FRMD6: variants seen among roughly 807,000 people sequenced by gnomAD.
FRMD6 encodes the protein FERM domain containing 6.
Under a neutral mutation model 73.2 loss-of-function variants are expected in FRMD6, and 37 were observed. The observed-to-expected ratio is 0.51, with a 90% CI of 0.39 to 0.66. The LOEUF is 0.66. Ranked by LOEUF, FRMD6 falls within the 30% of genes least tolerant of loss-of-function variation. FRMD6 has a pLI of 0.00. For synonymous variants in FRMD6, 273 were observed against 282.2 expected, an observed-to-expected ratio of 0.97 and a Z score of 0.33; for missense variants, 714 against 780.5, an observed-to-expected ratio of 0.91 and a Z score of 1.02.
At chr14:51,461,460 C>CA in the FRMD6 span, among the ~76,000 whole-genome samples, 1 of 152,186 alleles carries the variant, frequency 6.6e-6, no homozygotes, top group African/African-American at 2.4e-5. Flanking sequence ...TTCCCAATAA[C>CA]AGAGATCAGA....
the FRMD6 span, among the ~76,000 whole-genome samples, chr14:51,467,560 A>G: frequency 6.7e-6 from 1 of 148,582 alleles, no homozygotes; most frequent in African/African-American, 2.5e-5. Flanking sequence ...AGGCGCCCCC[A>G]ACCTCCCGGA....
At chr14:51,572,843 C>T (rs77981236) in intron 2 of FRMD6, among the ~76,000 whole-genome samples, 2,089 of 152,284 alleles carry the variant, frequency 0.014, 48 homozygotes, top group African/African-American at 0.046. Flanking sequence ...AATGTTGTCT[C>T]CTCAAACTAG....
At chr14:51,661,678 G>T (rs1161226572) in intron 1 of FRMD6, among the ~76,000 whole-genome samples, 3 of 152,216 alleles carry the variant, frequency 2.0e-5, no homozygotes, top group Non-Finnish European at 4.4e-5. Flanking sequence ...AAGTCAAGCA[G>T]GGTGAAGACT....
intron 1 of FRMD6, among the ~76,000 whole-genome samples, chr14:51,680,296 A>G (rs1005127348): frequency 6.6e-6 from 1 of 152,158 alleles, no homozygotes. Flanking sequence ...CTCCCCATAC[A>G]TGCTGTTAAC....
intron 1 of FRMD6, among the ~76,000 whole-genome samples, chr14:51,671,487 G>A (rs763961728): frequency 8.5e-5 from 13 of 152,054 alleles, no homozygotes; most frequent in Admixed American, 5.2e-4. Flanking sequence ...GTTTTGCACC[G>A]AAATAAACTC....
chr14:51,708,199 A>G lies in FRMD6; in HGVS notation c.680A>G (p.Asp227Gly), dbSNP rs779920087. ...TATATCAAAGAGGCTGTCCGACTGG[A>G]TGACGTCGCTGTTCATTACTACAGA... ...LKYIKEAVRL[D>G]DVAVHYYRLY... is the part of the protein sequence containing the mutation. The change falls in exon 7 of 14, where the codon GAT (aspartate) becomes GGT (glycine). Residue 227 changes from aspartate (D) to glycine (G), a missense_variant. Transcript: ENST00000344768. 3.7e-6 allele frequency: 6 copies of G among 1,613,080 alleles called. No homozygotes were observed. In the African/African-American group the frequency reaches 5.3e-5, roughly 14 times the overall value.
rs1251936590 is a variant in FRMD6 at position 51,720,338 on chromosome 14, A to G, written c.1308A>G (p.Ser436=). Residue 436 remains serine, a synonymous_variant, in exon 11 of 14, where the codon TCA becomes TCG. Transcript: ENST00000344768. The part of the protein sequence containing the change: ...SMTSHGSSHT[S]GVESGGKDRL... ...CCAGTCATGGCAGCTCCCACACCTCAGGGGTGGAGAGTGGCGGCAAAGACC... is the reference window on the plus strand; with the variant it reads ...CCAGTCATGGCAGCTCCCACACCTCGGGGGTGGAGAGTGGCGGCAAAGACC... The G allele has an allele frequency of 6.2e-7, 1 of 1,613,678 alleles. No individual in the cohort carries two copies. Among genetic ancestry groups the G allele is most frequent in the Non-Finnish European group, 8.5e-7 (1 of 1,180,004 alleles).
intron 1 of FRMD6, among the ~76,000 whole-genome samples, chr14:51,687,089 G>A (rs527529077): frequency 6.6e-6 from 1 of 151,976 alleles, no homozygotes; most frequent in Non-Finnish European, 1.5e-5. Flanking sequence ...GTCATCTTCT[G>A]TGCTGCATAT....
the FRMD6 span, among the ~76,000 whole-genome samples, chr14:51,422,244 T>C: frequency 6.6e-6 from 1 of 152,206 alleles, no homozygotes; most frequent in Non-Finnish European, 1.5e-5. Context: ...TTGAAAAGAC[T>C]TTCCCCCTTA....
At chr14:51,718,400 T>C (rs1897348824) in intron 10 of FRMD6, among the ~76,000 whole-genome samples, 1 of 152,242 alleles carries the variant, frequency 6.6e-6, no homozygotes, top group Non-Finnish European at 1.5e-5. Context: ...ACAGAAAAGC[T>C]TTTAAATTAT....
At chr14:51,440,713 A>G in the FRMD6 span, among the ~76,000 whole-genome samples, 3 of 152,350 alleles carry the variant, frequency 2.0e-5, no homozygotes, top group South Asian at 6.2e-4. Context: ...GAGGAGAGAG[A>G]GAGAGAGAAG....
At position 51,704,751 on chromosome 14, in the gene FRMD6, A is replaced by T. The variant is rs1896525023; in HGVS notation, c.374A>T (p.Asp125Val). Residue 125 changes from aspartate to valine, a missense_variant and splice_region_variant, in exon 6 of 14, where the codon GAC (aspartate) becomes GTC (valine). Physicochemically the swap from Asp to Val is radical, Grantham distance 152. Coordinates refer to ENST00000344768, the MANE Select transcript of FRMD6 (RefSeq NM_001267046.2). Reference sequence around the variant, plus strand: ...TCTGTTTTCTTTTATTTTTCTAGTGACAGAGCAGCAAGATACTATTATTAC... The same window carrying T: ...TCTGTTTTCTTTTATTTTTCTAGTGTCAGAGCAGCAAGATACTATTATTAC... Reference protein sequence around the residue: ...YYVENGRLISDRAARYYYYWH... With the variant: ...YYVENGRLISVRAARYYYYWH... 1 of 1,605,786 alleles carries T rather than the reference A, an allele frequency of 6.2e-7. No individual in the cohort carries two copies. The highest frequency in any genetic ancestry group is 8.5e-7 in the Non-Finnish European group (1 of 1,174,874).
At chr14:51,512,711 GAGA>G (rs1452229151) in intron 1 of FRMD6, among the ~76,000 whole-genome samples, 3 of 152,086 alleles carry the variant, frequency 2.0e-5, no homozygotes, top group Non-Finnish European at 4.4e-5. Context: ...GAGATGTTAA[GAGA>G]AGGAGTAGTC....
chr14:51,578,196 G>A (rs7143311), intron 2 of FRMD6, among the ~76,000 whole-genome samples: 55,542 of 152,024 alleles, frequency 0.37, 11,200 homozygotes, highest in African/African-American at 0.54. Context: ...GAAAGCTACC[G>A]TTGATGCCAG....
chr14:51,423,877 A>G, the FRMD6 span, among the ~76,000 whole-genome samples: 607 of 152,326 alleles, frequency 4.0e-3, 4 homozygotes, highest in African/African-American at 0.014. Flanking sequence ...CTATGTATCT[A>G]GCAGTCTCCT....
chr14:51,704,999 CTACTCA>C, intron 6 of FRMD6, 64 bp downstream of exon 6: 3 of 1,406,106 alleles, frequency 2.1e-6, no homozygotes, highest in Non-Finnish European at 2.0e-6. Flanking sequence ...CGTAGTGTTG[CTACTCA>C]TACTCTTTAA....
intron 2 of FRMD6, among the ~76,000 whole-genome samples, chr14:51,631,810 C>A (rs1195354414): frequency 6.6e-6 from 1 of 152,130 alleles, no homozygotes; most frequent in Non-Finnish European, 1.5e-5. Flanking sequence ...TAGTTAACAC[C>A]ACAGGGTCTA....
At chr14:51,725,892 A>G (rs139225027) in intron 13 of FRMD6, 22 bp downstream of exon 13, 1 of 1,555,356 alleles carries the variant, frequency 6.4e-7, no homozygotes, top group African/African-American at 1.4e-5. Context: ...ATTGAAAAAT[A>G]TCAGTTAGGA....
chr14:51,653,527 C>T (rs1404437003), intron 1 of FRMD6, among the ~76,000 whole-genome samples: 4 of 152,198 alleles, frequency 2.6e-5, no homozygotes, highest in Admixed American at 6.5e-5. Flanking sequence ...TTAGGTTCAG[C>T]AGTGTTAAAG....
Sources: allele counts gnomAD v4.1 joint callset (sites outside exome capture counted in the v4.1 genomes callset), GRCh38; gene constraint gnomAD v4.1.1; transcripts MANE v1.5; gene names NCBI Gene and HGNC (gene_info 2026-07-23, HGNC 2026-07-21).